Variants in TENM2 observed in about 807,000 individuals in gnomAD.
The protein encoded by TENM2 is teneurin-2.
TENM2 carries 52 observed loss-of-function variants against 245.2 expected under a neutral mutation model. That is an observed-to-expected ratio of 0.21 (90% CI 0.17 to 0.27). TENM2 has a LOEUF of 0.27. Among genes scored for constraint, TENM2 ranks in the 10% least tolerant of loss-of-function variants. The pLI is 1.00. For missense variants in TENM2, 3,046 were observed against 3,666.8 expected, an observed-to-expected ratio of 0.83 and a Z score of 4.37; for synonymous variants, 1,363 against 1,438.9, an observed-to-expected ratio of 0.95 and a Z score of 1.19.
intron 2 of TENM2, among the ~76,000 whole-genome samples, chr5:167,624,272 C>T (rs955467952): frequency 2.6e-5 from 4 of 152,120 alleles, no homozygotes; most frequent in Middle Eastern, 3.4e-3. Flanking sequence ...TTTGCAGCAA[C>T]GTGGATGCAG....
At chr5:167,235,695 G>GC in the TENM2 span, among the ~76,000 whole-genome samples, 32,375 of 151,944 alleles carry the variant, frequency 0.21, 3,981 homozygotes, top group African/African-American at 0.34. Flanking sequence ...CTACCATCTA[G>GC]CCCATGGGCA....
At chr5:167,294,894 C>T (rs1023961402) in intron 1 of TENM2, among the ~76,000 whole-genome samples, 1 of 152,196 alleles carries the variant, frequency 6.6e-6, no homozygotes, top group African/African-American at 2.4e-5. Context: ...TGGAATACCT[C>T]TCTGCCTATT....
the TENM2 span, chr5:167,119,538 C>T: frequency 6.6e-6 from 1 of 152,222 alleles, no homozygotes; most frequent in East Asian, 1.9e-4. Flanking sequence ...AGGGCTGCAT[C>T]CTCTGCAGGG....
At chr5:167,061,145 G>C in the TENM2 span, among the ~76,000 whole-genome samples, 1 of 151,168 alleles carries the variant, frequency 6.6e-6, no homozygotes. Flanking sequence ...CCCCACACAC[G>C]CACACGAATG....
chr5:167,654,181 G>A (rs1230484377), intron 2 of TENM2, among the ~76,000 whole-genome samples: 3 of 150,942 alleles, frequency 2.0e-5, no homozygotes, highest in African/African-American at 4.9e-5. Flanking sequence ...CTACCATTTT[G>A]TGTCTCTCAG....
In TENM2 at chr5:167,506,335, C is replaced by A. The variant is rs141176779; in HGVS notation, c.502+130862C>A. On this transcript the variant is annotated intron_variant, in intron 2 of 28. Coordinates refer to ENST00000518659, the Ensembl canonical transcript of TENM2. ...CAATTGTACCTACTCTTTCTATATG[C>A]AAACACTTTAAAGAATCTTCTAAGA... Among the ~76,000 whole-genome samples, 630 of 152,212 alleles carry A rather than the reference C, an allele frequency of 4.1e-3. 6 individuals carry two copies. The highest frequency in any genetic ancestry group is 0.014 in the African/African-American group (597 of 41,530).
At chr5:168,198,188 CTTTTTTTTTTTTT>C (rs35539116) in intron 15 of TENM2, among the ~76,000 whole-genome samples, 2 of 95,834 alleles carry the variant, frequency 2.1e-5, no homozygotes, top group African/African-American at 9.4e-5. Flanking sequence ...CCAATGAACC[CTTTTTTTTTTTTT>C]TTTTTTTTTT....
chr5:167,719,999 G>C (rs1759522772), intron 2 of TENM2, among the ~76,000 whole-genome samples: 1 of 152,162 alleles, frequency 6.6e-6, no homozygotes, highest in South Asian at 2.1e-4. Context: ...TAAAAAGAGG[G>C]GGGGGCTTGG....
At chr5:167,339,678 C>T (rs1055973262) in intron 1 of TENM2, among the ~76,000 whole-genome samples, 3 of 151,824 alleles carry the variant, frequency 2.0e-5, no homozygotes, top group African/African-American at 7.3e-5. Flanking sequence ...GTATGTGTCT[C>T]CCAAAATTAA....
exon 16 of TENM2, chr5:168,198,966 A>C (rs1330741939): frequency 1.2e-6 from 2 of 1,613,850 alleles, no homozygotes; most frequent in Non-Finnish European, 1.7e-6. Flanking sequence ...TACGCCATGG[A>C]CACCCTGGTG....
At position 167,393,522 on chromosome 5, in the gene TENM2, A is replaced by G. The variant is rs557192683; in HGVS notation, c.502+18049A>G. 2.3e-4 allele frequency among the ~76,000 whole-genome samples: 35 copies of G among 152,312 alleles called. No individual in the cohort carries two copies. The South Asian group carries it at 7.0e-3, about 31-fold the overall frequency. On this transcript the variant is annotated intron_variant, in intron 2 of 28. Coordinates refer to ENST00000518659, the Ensembl canonical transcript of TENM2. The stretch of plus-strand genomic sequence containing the variant: ...TTTAATGCAGGCACACTCCTGCTGT[A>G]TTTAAGGAAGTTAATGTGATTGCAG...
intron 2 of TENM2, among the ~76,000 whole-genome samples, chr5:167,469,570 C>T (rs928897156): frequency 6.6e-6 from 1 of 151,976 alleles, no homozygotes; most frequent in Non-Finnish European, 1.5e-5. Flanking sequence ...TTTTAAAGTG[C>T]TTATGAAGTT....
At chr5:167,171,276 G>C in the TENM2 span, among the ~76,000 whole-genome samples, 7 of 152,042 alleles carry the variant, frequency 4.6e-5, no homozygotes, top group Non-Finnish European at 1.0e-4. Flanking sequence ...GTTCCGCCTG[G>C]TAGCTGAATG....
At chr5:166,982,564 A>T in the TENM2 span, among the ~76,000 whole-genome samples, 1 of 152,072 alleles carries the variant, frequency 6.6e-6, no homozygotes, top group Non-Finnish European at 1.5e-5. Context: ...AGACTTAAAG[A>T]GGCACAACTT....
intron 3 of TENM2, among the ~76,000 whole-genome samples, chr5:167,889,507 C>T (rs10866615): frequency 0.46 from 69,636 of 152,002 alleles, 17,720 homozygotes; most frequent in Non-Finnish European, 0.57. Flanking sequence ...ATCTCAATGA[C>T]CTTTTGCATC....
At chr5:167,491,628 C>T (rs917649328) in intron 2 of TENM2, among the ~76,000 whole-genome samples, 1 of 152,126 alleles carries the variant, frequency 6.6e-6, no homozygotes, top group African/African-American at 2.4e-5. Flanking sequence ...CTTAGATCTC[C>T]TACTGTGAAT....
At chr5:167,779,290 G>T (rs1411052212) in intron 2 of TENM2, among the ~76,000 whole-genome samples, 2 of 152,158 alleles carry the variant, frequency 1.3e-5, no homozygotes, top group Non-Finnish European at 2.9e-5. Context: ...ACCCATCACA[G>T]GCTGTTCATT....
chr5:167,425,711 G>A (rs568333653), intron 2 of TENM2, among the ~76,000 whole-genome samples: 11 of 151,896 alleles, frequency 7.2e-5, no homozygotes, highest in East Asian at 1.9e-4. Flanking sequence ...ATCTCTCTGC[G>A]TCTCAGTTTC....
At chr5:167,424,478 T>G (rs1763693885) in intron 2 of TENM2, among the ~76,000 whole-genome samples, 1 of 152,192 alleles carries the variant, frequency 6.6e-6, no homozygotes, top group Non-Finnish European at 1.5e-5. Flanking sequence ...ATAATAAAAC[T>G]AAGGTTATTA....
Sources: allele counts gnomAD v4.1 joint callset (sites outside exome capture counted in the v4.1 genomes callset), GRCh38; gene constraint gnomAD v4.1.1; transcripts MANE v1.5; gene names NCBI Gene and HGNC (gene_info 2026-07-23, HGNC 2026-07-21).